ERBIN: variants seen among roughly 807,000 people sequenced by gnomAD.
ERBIN encodes erbb2 interacting protein.
Under a neutral mutation model 158.4 loss-of-function variants are expected in ERBIN, and 60 were observed. The ratio of observed to expected loss-of-function variants is 0.38; its 90% CI spans 0.31 to 0.47. The LOEUF is 0.47. Among genes scored for constraint, ERBIN ranks in the 20% least tolerant of loss-of-function variants. ERBIN has a pLI of 0.99. For synonymous variants in ERBIN, 594 were observed against 557.2 expected (o/e 1.07, Z -0.93); for missense variants, 1,610 against 1,648.0 (o/e 0.98, Z 0.40).
At chr5:66,006,414 A>G (rs1011095232) in intron 4 of ERBIN, among the ~76,000 whole-genome samples, 2 of 152,258 alleles carry the variant, frequency 1.3e-5, no homozygotes, top group Non-Finnish European at 2.9e-5. Flanking sequence ...AAAGACTTAC[A>G]TGTTAGACCT....
intron 1 of ERBIN, among the ~76,000 whole-genome samples, chr5:65,944,875 C>T (rs1745547639): frequency 6.6e-6 from 1 of 152,058 alleles, no homozygotes; most frequent in African/African-American, 2.4e-5. Flanking sequence ...CAATCCCAGT[C>T]TGTTACTAGA....
chr5:66,058,817 G>T (rs943629935), intron 21 of ERBIN, among the ~76,000 whole-genome samples: 1 of 151,562 alleles, frequency 6.6e-6, no homozygotes, highest in East Asian at 1.9e-4. Flanking sequence ...TCTTGTTTTT[G>T]TCAGGTTTGT....
chr5:66,025,412 C>T, intron 10 of ERBIN, 68 bp from the exon 11 acceptor site: 1 of 1,160,140 alleles, frequency 8.6e-7, no homozygotes, highest in Non-Finnish European at 1.3e-6. Flanking sequence ...GTATGTCTCA[C>T]ACTGACTGTT....
intron 1 of ERBIN, among the ~76,000 whole-genome samples, chr5:65,971,245 GT>G (rs749173727): frequency 2.7e-4 from 39 of 141,938 alleles, no homozygotes; most frequent in East Asian, 1.2e-3. Flanking sequence ...GTGCATGCTG[GT>G]TTTTTTTTTT....
chr5:65,941,241 T>C (rs1254564857), intron 1 of ERBIN, among the ~76,000 whole-genome samples: 1 of 150,966 alleles, frequency 6.6e-6, no homozygotes, highest in East Asian at 2.0e-4. Flanking sequence ...GTTTATCTGC[T>C]GACCCTCCCT....
At chr5:66,072,400 T>C in intron 22 of ERBIN, 109 bp downstream of exon 22, 1 of 1,112,456 alleles carries the variant, frequency 9.0e-7, no homozygotes, top group Non-Finnish European at 1.2e-6. Context: ...TTGAGGGCTT[T>C]CCCCCCTTTA....
At chr5:65,999,585 T>A (rs1040379927) in intron 4 of ERBIN, among the ~76,000 whole-genome samples, 3 of 152,184 alleles carry the variant, frequency 2.0e-5, no homozygotes, top group African/African-American at 7.2e-5. Flanking sequence ...TGCATATCCC[T>A]CCTTACAAGT....
intron 21 of ERBIN, among the ~76,000 whole-genome samples, chr5:66,064,813 A>AG (rs755086836): frequency 1.3e-5 from 2 of 152,172 alleles, no homozygotes; most frequent in Non-Finnish European, 2.9e-5. Context: ...AAAAGATTGA[A>AG]GAGGTAGCCA....
intron 21 of ERBIN, 38 bp from the exon 22 acceptor site, chr5:66,072,131 G>T: frequency 1.3e-6 from 2 of 1,540,798 alleles, no homozygotes; most frequent in South Asian, 1.2e-5. Flanking sequence ...ACATCTTAAA[G>T]AACATTATTT....
At chr5:66,051,894 C>CAAAA (rs35074022) in intron 20 of ERBIN, among the ~76,000 whole-genome samples, 1 of 138,786 alleles carries the variant, frequency 7.2e-6, no homozygotes, top group African/African-American at 2.8e-5. Flanking sequence ...GGCCTTGTCT[C>CAAAA]AAAAAAAAAA....
rs113401662 is a variant in ERBIN, at chr5:66,014,133, C to G, written c.476+495C>G. On this transcript the variant is annotated intron_variant, in intron 6 of 25. Transcript: ENST00000284037. ...AATTAACTACTAGAGAAAATGCTAG[C>G]CAACTAAATGTTAATTTTGTAGCCA... Among the ~76,000 whole-genome samples the G allele has an allele frequency of 2.1e-4, 32 of 152,204 alleles. 1 individual carries two copies. The highest frequency in any genetic ancestry group is 5.8e-4 in the African/African-American group (24 of 41,540).
chr5:65,974,323 G>T (rs554811887), intron 1 of ERBIN, among the ~76,000 whole-genome samples: 1 of 152,172 alleles, frequency 6.6e-6, no homozygotes, highest in African/African-American at 2.4e-5. Flanking sequence ...TAAACTTTGC[G>T]TCTAAGACTT....
At chr5:66,015,952 G>A (rs1332662984) in intron 7 of ERBIN, among the ~76,000 whole-genome samples, 5 of 152,142 alleles carry the variant, frequency 3.3e-5, no homozygotes, top group Non-Finnish European at 7.3e-5. Flanking sequence ...TACAGTATTT[G>A]CTGGATAATG....
chr5:66,043,019 A>T, intron 15 of ERBIN, 58 bp from the exon 16 acceptor site: 1 of 1,294,716 alleles, frequency 7.7e-7, no homozygotes, highest in Non-Finnish European at 1.1e-6. Flanking sequence ...TGAGCAAGTG[A>T]TAGTTTTCCA....
intron 1 of ERBIN, among the ~76,000 whole-genome samples, chr5:65,959,138 T>C (rs1435911765): frequency 6.6e-6 from 1 of 152,234 alleles, no homozygotes; most frequent in South Asian, 2.1e-4. Flanking sequence ...CCACTAAGAA[T>C]GCGATAATAG....
chr5:65,996,238 C>G (rs1012044067), intron 4 of ERBIN, among the ~76,000 whole-genome samples: 1 of 110,888 alleles, frequency 9.0e-6, no homozygotes, highest in African/African-American at 3.5e-5. Context: ...TTTTTTTTTC[C>G]TAGTAGTTTT....
intron 14 of ERBIN, among the ~76,000 whole-genome samples, chr5:66,035,193 C>G (rs1033730348): frequency 3.9e-5 from 6 of 152,176 alleles, no homozygotes; most frequent in African/African-American, 1.4e-4. Flanking sequence ...AAATTGCTAT[C>G]TGTATCCTCA....
In ERBIN at chr5:66,065,781, G is replaced by A. The variant is rs1048107607; in HGVS notation, c.3634-6388G>A. On this transcript the variant is annotated intron_variant, in intron 21 of 25. Coordinates refer to ENST00000284037, the MANE Select transcript of ERBIN (RefSeq NM_001253697.2). ...GATATATATGTTATGTGAAGGAGGG[G>A]GAACAACTTTAAAAGCTGGTCTGAA... Among the ~76,000 whole-genome samples the A allele has an allele frequency of 3.3e-5, 5 of 151,990 alleles. No individual in the cohort carries two copies. In the East Asian group the frequency reaches 9.6e-4, roughly 29 times the overall value.
intron 1 of ERBIN, among the ~76,000 whole-genome samples, chr5:65,933,640 T>G (rs796393280): frequency 1.3e-5 from 2 of 152,266 alleles, no homozygotes; most frequent in African/African-American, 4.8e-5. Flanking sequence ...AGATCCCACT[T>G]TCTTCTTGTT....
Sources: gnomAD v4.1 joint callset for allele counts (sites outside exome capture counted in the v4.1 genomes callset) on GRCh38, gnomAD v4.1.1 for gene constraint, MANE v1.5 for transcripts, NCBI Gene and HGNC (gene_info 2026-07-23, HGNC 2026-07-21) for gene names.